Variants in LEF1 observed in about 807,000 individuals in gnomAD.
The protein encoded by LEF1 is lymphoid enhancer binding factor 1.
Under a neutral mutation model 51.2 loss-of-function variants are expected in LEF1, and 14 were observed. That is an observed-to-expected ratio of 0.27 (90% CI 0.18 to 0.43). LEF1 has a LOEUF of 0.43. Among genes scored for constraint, LEF1 ranks in the 20% least tolerant of loss-of-function variants. The pLI is 1.00. For synonymous variants in LEF1, 185 were observed against 183.2 expected (o/e 1.01, Z -0.08); for missense variants, 386 against 512.0 (o/e 0.75, Z 2.37).
chr4:108,072,674 A>T (rs2126277691), intron 8 of LEF1, among the ~76,000 whole-genome samples: 1 of 152,370 alleles, frequency 6.6e-6, no homozygotes, highest in South Asian at 2.1e-4. Flanking sequence ...ACAACCCTGG[A>T]AACAGTTACC....
At chr4:108,086,237 T>C (rs1739638160) in intron 4 of LEF1, among the ~76,000 whole-genome samples, 1 of 152,190 alleles carries the variant, frequency 6.6e-6, no homozygotes, top group Admixed American at 6.5e-5. Flanking sequence ...ATCATTTTTT[T>C]TTAAGTTTAT....
At chr4:108,110,578 C>T (rs13128634) in intron 3 of LEF1, among the ~76,000 whole-genome samples, 1,607 of 152,264 alleles carry the variant, frequency 0.011, 12 homozygotes, top group Non-Finnish European at 0.018. Context: ...GGTATCACTG[C>T]TTCTCTCAGG....
At chr4:108,050,007 G>A (rs1736875447) in intron 11 of LEF1, among the ~76,000 whole-genome samples, 1 of 152,188 alleles carries the variant, frequency 6.6e-6, no homozygotes, top group African/African-American at 2.4e-5. Flanking sequence ...AAGCAGGTTA[G>A]CTAGTATTAT....
In LEF1 at chr4:108,099,550, G is replaced by GCATATATA. The variant is rs1263620618; in HGVS notation, c.415-10294_415-10293insTATATATG. 3.6e-3 allele frequency among the ~76,000 whole-genome samples: 159 copies of GCATATATA among 44,662 alleles called. 7 individuals carry two copies. Among genetic ancestry groups the GCATATATA allele is most frequent in the African/African-American group, 7.2e-3 (132 of 18,444 alleles). The allele number at this position is 44,662 out of a possible 152,430, so 29.3% of individuals were successfully genotyped here. A position where few individuals can be genotyped will look rare whatever the true frequency, so the allele number is the denominator to read the frequency against. ...TATATATATATGTGTATATGTGTGT[G>GCATATATA]TGTGTATGTGTGTGTGTGTGTATAT... On this transcript the variant is annotated intron_variant, in intron 3 of 11. Coordinates refer to ENST00000265165, the MANE Select transcript of LEF1 (RefSeq NM_016269.5).
In LEF1 at chr4:108,048,721, T is replaced by G; in HGVS notation, c.*37A>C. 1.1e-5 allele frequency: 17 copies of G among 1,609,496 alleles called. No individual in the cohort carries two copies. The highest frequency in any genetic ancestry group is 1.4e-5 in the Non-Finnish European group (17 of 1,177,590). On this transcript the variant is annotated 3_prime_UTR_variant, in exon 12 of 12. Coordinates refer to ENST00000265165, the MANE Select transcript of LEF1 (RefSeq NM_016269.5). ...AGGTCCTGGGGTCGCTGCCTTGGCT[T>G]TGCACGTTGGGAATGAGCTTCGTTT...
intron 3 of LEF1, among the ~76,000 whole-genome samples, chr4:108,093,139 C>T (rs1740158177): frequency 6.6e-6 from 1 of 151,966 alleles, no homozygotes; most frequent in Non-Finnish European, 1.5e-5. Flanking sequence ...ACAGAGGTCA[C>T]CAGGGAATGG....
intron 11 of LEF1, among the ~76,000 whole-genome samples, chr4:108,061,642 CAA>C (rs11285438): frequency 0.037 from 5,281 of 143,994 alleles, 157 homozygotes; most frequent in African/African-American, 0.086. Context: ...TTTTTTTTTT[CAA>C]AAAAAAAAAA....
chr4:108,159,955 T>C (rs1469267031), intron 3 of LEF1, among the ~76,000 whole-genome samples: 1 of 152,212 alleles, frequency 6.6e-6, no homozygotes, highest in Non-Finnish European at 1.5e-5. Context: ...ACAATGAAGT[T>C]TGCAGCGCTA....
intron 11 of LEF1, among the ~76,000 whole-genome samples, chr4:108,063,370 T>C (rs759503766): frequency 3.3e-5 from 5 of 152,040 alleles, no homozygotes; most frequent in Non-Finnish European, 7.4e-5. Flanking sequence ...AAGAAAGAGT[T>C]AGGGGAAAGG....
Position 108,123,668 on chromosome 4 carries a change from T to C in LEF1, c.415-34411A>G, listed in dbSNP as rs907255906. Among the ~76,000 whole-genome samples the C allele has an allele frequency of 2.0e-5, 3 of 152,272 alleles. No homozygotes were observed. The South Asian group carries it at 6.2e-4, about 32-fold the overall frequency. ...ATATGTGTATGCATGTTTGTGAGTA[T>C]GTATTATGTATATGTGATATTTGTG... On this transcript the variant is annotated intron_variant, in intron 3 of 11. Coordinates refer to ENST00000265165, the MANE Select transcript of LEF1 (RefSeq NM_016269.5).
At chr4:108,092,794 A>C (rs1578333023) in intron 3 of LEF1, among the ~76,000 whole-genome samples, 1 of 151,960 alleles carries the variant, frequency 6.6e-6, no homozygotes, top group Non-Finnish European at 1.5e-5. Context: ...AAAATGTTTC[A>C]AGCACTATTC....
At chr4:108,123,260 T>A (rs1742287601) in intron 3 of LEF1, among the ~76,000 whole-genome samples, 1 of 152,162 alleles carries the variant, frequency 6.6e-6, no homozygotes, top group African/African-American at 2.4e-5. Context: ...CAAACCTGCA[T>A]GAAAGCCAGC....
At chr4:108,102,792 A>G (rs943300214) in intron 3 of LEF1, among the ~76,000 whole-genome samples, 1 of 152,206 alleles carries the variant, frequency 6.6e-6, no homozygotes, top group Non-Finnish European at 1.5e-5. Flanking sequence ...AGTGTGGTAT[A>G]GCTATGAATG....
chr4:108,051,299 A>G (rs1736975443), intron 11 of LEF1, among the ~76,000 whole-genome samples: 2 of 152,200 alleles, frequency 1.3e-5, no homozygotes, highest in African/African-American at 4.8e-5. Context: ...TCACTATGAA[A>G]TGAGGCAGTT....
chr4:108,133,869 C>G (rs1379958625), intron 3 of LEF1, among the ~76,000 whole-genome samples: 1 of 152,254 alleles, frequency 6.6e-6, no homozygotes, highest in East Asian at 1.9e-4. Flanking sequence ...GTGAGGATGT[C>G]TTCCTTAAAC....
intron 3 of LEF1, among the ~76,000 whole-genome samples, chr4:108,120,455 A>G (rs550257077): frequency 5.1e-4 from 78 of 152,374 alleles, no homozygotes; most frequent in Non-Finnish European, 8.2e-4. Flanking sequence ...TCACACAGAT[A>G]TATAACTGGA....
At chr4:108,155,892 C>T (rs1437784723) in intron 3 of LEF1, among the ~76,000 whole-genome samples, 1 of 152,134 alleles carries the variant, frequency 6.6e-6, no homozygotes, top group East Asian at 1.9e-4. Flanking sequence ...TTTTGTTCAC[C>T]ACATTGCAAA....
At chr4:108,059,634 C>T (rs1414777944) in intron 11 of LEF1, among the ~76,000 whole-genome samples, 1 of 152,118 alleles carries the variant, frequency 6.6e-6, no homozygotes, top group Non-Finnish European at 1.5e-5. Flanking sequence ...TTTACCTTTA[C>T]TCGTCAACTT....
intron 3 of LEF1, among the ~76,000 whole-genome samples, chr4:108,101,304 G>A (rs934966051): frequency 6.6e-6 from 1 of 152,208 alleles, no homozygotes; most frequent in African/African-American, 2.4e-5. Flanking sequence ...ACATGAGGCA[G>A]TGTATCAGAG....
Sources: allele counts gnomAD v4.1 joint callset (sites outside exome capture counted in the v4.1 genomes callset), GRCh38; gene constraint gnomAD v4.1.1; transcripts MANE v1.5; gene names NCBI Gene and HGNC (gene_info 2026-07-23, HGNC 2026-07-21).